CAPN8: variants seen among roughly 807,000 people sequenced by gnomAD.
CAPN8 encodes the protein calpain 8.
Under a neutral mutation model 80.9 loss-of-function variants are expected in CAPN8, and 87 were observed. The observed-to-expected ratio is 1.07, with a 90% CI of 0.90 to 1.28. The LOEUF (loss-of-function observed/expected upper bound fraction) is 1.28, where lower values mean the gene tolerates loss of function less well. Ranked by LOEUF, CAPN8 falls within the 50% of genes most tolerant of loss-of-function variation. The pLI is 0.00. For missense variants in CAPN8, 757 were observed against 702.0 expected (o/e 1.08, Z -0.89); for synonymous variants, 299 against 273.8 (o/e 1.09, Z -0.91).
Position 223,549,308 on chromosome 1 carries a change from T to G in CAPN8, c.1764+10A>C, listed in dbSNP as rs771057563. 89 of 1,550,422 alleles carry G rather than the reference T, an allele frequency of 5.7e-5. No individual in the cohort carries two copies. The highest frequency in any genetic ancestry group is 7.4e-5 in the Non-Finnish European group (85 of 1,146,614). On this transcript the variant is annotated intron_variant, in intron 16 of 20. Transcript: ENST00000366872. ...AAAAAAAAAAAAATAATGCAACATT[T>G]AAAGGATACATCCAACAGACTGATC...
intron 2 of CAPN8, among the ~76,000 whole-genome samples, chr1:223,631,659 A>C (rs1202081914): frequency 6.6e-6 from 1 of 152,238 alleles, no homozygotes; most frequent in Non-Finnish European, 1.5e-5. Context: ...TTCTTCTGCA[A>C]ATCTCCAACA....
chr1:223,635,302 G>C (rs1328239301), intron 2 of CAPN8, among the ~76,000 whole-genome samples: 1 of 152,054 alleles, frequency 6.6e-6, no homozygotes, highest in Non-Finnish European at 1.5e-5. Flanking sequence ...CTTGGCGTTT[G>C]ATTCATGCCA....
intron 2 of CAPN8, among the ~76,000 whole-genome samples, chr1:223,633,256 G>A (rs1657823909): frequency 6.6e-6 from 1 of 152,032 alleles, no homozygotes; most frequent in Non-Finnish European, 1.5e-5. Flanking sequence ...TCCACAAAAG[G>A]AATTCCAAAA....
At chr1:223,548,179 C>G (rs899053279) in intron 16 of CAPN8, among the ~76,000 whole-genome samples, 2 of 152,150 alleles carry the variant, frequency 1.3e-5, no homozygotes, top group Non-Finnish European at 2.9e-5. Flanking sequence ...AGACAGAGCT[C>G]ATCATGGATG....
At chr1:223,613,664 C>T (rs1004189823) in intron 10 of CAPN8, among the ~76,000 whole-genome samples, 1 of 152,228 alleles carries the variant, frequency 6.6e-6, no homozygotes, top group Non-Finnish European at 1.5e-5. Context: ...GGCATCACTG[C>T]AGGAAGATAG....
intron 1 of CAPN8, among the ~76,000 whole-genome samples, chr1:223,663,874 TAGA>T (rs1658717262): frequency 1.3e-5 from 2 of 152,336 alleles, no homozygotes; most frequent in Admixed American, 6.5e-5. Context: ...TTGACCATTT[TAGA>T]AGAAGTACTC....
chr1:223,546,990 C>A (rs765686991), intron 16 of CAPN8, among the ~76,000 whole-genome samples: 1 of 152,064 alleles, frequency 6.6e-6, no homozygotes, highest in Non-Finnish European at 1.5e-5. Flanking sequence ...CTTCACTCAC[C>A]GCAACCTCTA....
chr1:223,615,604 C>A lies in CAPN8; in HGVS notation c.1311+366G>T, dbSNP rs147780129. Among the ~76,000 whole-genome samples, 969 of 152,308 alleles carry A rather than the reference C, an allele frequency of 6.4e-3. 14 individuals carry two copies. Among genetic ancestry groups the A allele is most frequent in the African/African-American group, 0.021 (857 of 41,566 alleles). ...AGCCTCCTTCCCTGACTCAGTGATG[C>A]CCCTCATCTTCCTTGTGCCACCTCA... is the stretch of plus-strand genomic sequence containing the variant. On this transcript the variant is annotated intron_variant, in intron 10 of 20. Transcript: ENST00000366872.
At chr1:223,641,368 A>T (rs1184408232) in intron 2 of CAPN8, among the ~76,000 whole-genome samples, 132 of 126,528 alleles carry the variant, frequency 1.0e-3, no homozygotes, top group African/African-American at 1.7e-3. Flanking sequence ...CCTTTTTTTA[A>T]AAAAAAAAAA....
chr1:223,656,871 A>G (rs2102738048), intron 1 of CAPN8, among the ~76,000 whole-genome samples: 1 of 151,690 alleles, frequency 6.6e-6, no homozygotes, highest in Non-Finnish European at 1.5e-5. Context: ...TTTTTAGTAG[A>G]GATGGGGTTT....
In CAPN8 at chr1:223,544,121, C is replaced by T. The variant is rs954108415; in HGVS notation, c.1975G>A (p.Gly659Ser). The T allele has an allele frequency of 5.6e-6, 4 of 718,396 alleles. No individual in the cohort carries two copies. The highest frequency in any genetic ancestry group is 4.0e-5 in the Admixed American group (2 of 50,028). 44.5% of individuals were successfully genotyped at this position (718,396 alleles called of 1,614,324 possible). A position where few individuals can be genotyped will look rare whatever the true frequency, so the allele number is the denominator to read the frequency against. Residue 659 changes from glycine (G) to serine (S), a missense_variant, in exon 19 of 21, where the codon GGC becomes AGC. Coordinates refer to ENST00000366872, the MANE Select transcript of CAPN8 (RefSeq NM_001143962.2). ...GCCACGAAGCTGTCAAAGTTGATGC[C>T]AAGCTTGCTGCACGCATACCGCAGG... ...IALRYACSKL[G>S]INFDSFVACM...
chr1:223,645,097 G>A (rs550230587), intron 2 of CAPN8, among the ~76,000 whole-genome samples: 15 of 152,286 alleles, frequency 9.8e-5, no homozygotes, highest in African/African-American at 3.4e-4. Flanking sequence ...CCAAAGGCCC[G>A]AGAGACCCTG....
rs111517159 is a variant in CAPN8, at chr1:223,630,291, G to A, written c.308-1511C>T. Among the ~76,000 whole-genome samples the A allele has an allele frequency of 6.3e-3, 834 of 131,974 alleles. 8 individuals carry two copies. Among genetic ancestry groups the A allele is most frequent in the African/African-American group, 0.021 (756 of 36,792 alleles). The allele number at this position is 131,974 out of a possible 152,430, so 86.6% of individuals were successfully genotyped here. ...GTCTGTCTGTCTCTCTCTCTCTCCC[G>A]CTCACTCGCTCTCTCTCTCTGTCTC... On this transcript the variant is annotated intron_variant, in intron 2 of 20. Transcript: ENST00000366872.
chr1:223,557,007 G>A (rs899692341), intron 13 of CAPN8, among the ~76,000 whole-genome samples: 4 of 152,254 alleles, frequency 2.6e-5, no homozygotes, highest in East Asian at 1.9e-4. Context: ...GGCCTCTGGC[G>A]CCAGGTATTG....
intron 2 of CAPN8, among the ~76,000 whole-genome samples, chr1:223,633,784 G>A (rs1025097157): frequency 6.6e-6 from 1 of 152,170 alleles, no homozygotes; most frequent in Non-Finnish European, 1.5e-5. Flanking sequence ...TTAAAGGTCG[G>A]GATGTCTAAT....
At chr1:223,638,005 G>A (rs909757771) in intron 2 of CAPN8, among the ~76,000 whole-genome samples, 1 of 152,142 alleles carries the variant, frequency 6.6e-6, no homozygotes. Context: ...AGGGATATCT[G>A]TATATATCTC....
chr1:223,609,802 C>T (rs1294426377), intron 11 of CAPN8, among the ~76,000 whole-genome samples: 4 of 152,346 alleles, frequency 2.6e-5, no homozygotes, highest in Middle Eastern at 3.4e-3. Context: ...AAAGCTGCCA[C>T]AAAAACTTGT....
chr1:223,639,868 A>G (rs1658002659), intron 2 of CAPN8, among the ~76,000 whole-genome samples: 1 of 152,252 alleles, frequency 6.6e-6, no homozygotes, highest in South Asian at 2.1e-4. Context: ...CCCCAAGGCC[A>G]GGCAGTGTCA....
rs1429654237 is a variant in CAPN8, at chr1:223,628,146, G to C, written c.427-4C>G. 1 of 1,540,850 alleles carries C rather than the reference G, an allele frequency of 6.5e-7. No homozygotes were observed. Among genetic ancestry groups the C allele is most frequent in the African/African-American group, 1.4e-5 (1 of 72,570 alleles). On this transcript the variant is annotated splice_region_variant and splice_polypyrimidine_tract_variant and intron_variant, in intron 3 of 20. Coordinates refer to ENST00000366872, the MANE Select transcript of CAPN8 (RefSeq NM_001143962.2). ...CCCACTCTCCGTACTGCCAGAACTGGGGAGGGGGGACACAGCGGCTGCTCA... is the reference window on the plus strand; with the variant it reads ...CCCACTCTCCGTACTGCCAGAACTGCGGAGGGGGGACACAGCGGCTGCTCA...
Sources: gnomAD v4.1 joint callset for allele counts (sites outside exome capture counted in the v4.1 genomes callset) on GRCh38, gnomAD v4.1.1 for gene constraint, MANE v1.5 for transcripts, NCBI Gene and HGNC (gene_info 2026-07-23, HGNC 2026-07-21) for gene names.